Variants in ALDH1L1 observed in about 807,000 individuals in gnomAD.
The protein encoded by ALDH1L1 is cytosolic 10-formyltetrahydrofolate dehydrogenase.
ALDH1L1 carries 68 observed loss-of-function variants against 101.1 expected under a neutral mutation model. The ratio of observed to expected loss-of-function variants is 0.67; its 90% CI spans 0.55 to 0.82. The LOEUF is 0.82. Among genes scored for constraint, ALDH1L1 ranks in the 40% least tolerant of loss-of-function variants. ALDH1L1 has a pLI of 0.00. For synonymous variants in ALDH1L1, 486 were observed against 470.8 expected (o/e 1.03, Z -0.42); for missense variants, 1,087 against 1,172.7 (o/e 0.93, Z 1.07).
At chr3:126,187,470 G>A (rs1482003959) in intron 1 of ALDH1L1, among the ~76,000 whole-genome samples, 1 of 152,096 alleles carries the variant, frequency 6.6e-6, no homozygotes, top group Non-Finnish European at 1.5e-5. Flanking sequence ...CTCCCGAGGT[G>A]GGATGCAGGA....
rs2080791348 is a variant in ALDH1L1, at chr3:126,150,634, A to C, written c.859-103T>G. 3.0e-6 allele frequency: 4 copies of C among 1,352,404 alleles called. No individual in the cohort carries two copies. The East Asian group carries it at 1.2e-4, about 42-fold the overall frequency. The allele number at this position is 1,352,404 out of a possible 1,614,324, so 83.8% of individuals were successfully genotyped here. A position where few individuals can be genotyped will look rare whatever the true frequency, so the allele number is the denominator to read the frequency against. On this transcript the variant is annotated intron_variant, in intron 7 of 22. Transcript: ENST00000393434. ...CAGTGGTGCGATCTCGGCTCACTACAACCTCCGCCTCCCGGGTTGAAGCGA... is the reference window on the plus strand; with the variant it reads ...CAGTGGTGCGATCTCGGCTCACTACCACCTCCGCCTCCCGGGTTGAAGCGA...
chr3:126,124,563 G>A, intron 15 of ALDH1L1, 112 bp from the exon 16 acceptor site: 1 of 842,942 alleles, frequency 1.2e-6, no homozygotes, highest in Non-Finnish European at 1.9e-6. Context: ...TGGGAGAGTA[G>A]CTGCAGATTG....
chr3:126,130,414 T>G, intron 13 of ALDH1L1, 121 bp from the exon 14 acceptor site: 1 of 804,182 alleles, frequency 1.2e-6, no homozygotes, highest in Non-Finnish European at 1.8e-6. Context: ...AGGTGTGACC[T>G]GAGGCTTGAG....
Position 126,160,973 on chromosome 3 carries a change from T to C in ALDH1L1, c.7A>G (p.Ile3Val). The C allele has an allele frequency of 6.2e-7, 1 of 1,614,180 alleles. No individual in the cohort carries two copies. The change falls in exon 2 of 23, where the codon ATT (isoleucine) becomes GTT (valine). Residue 3 changes from isoleucine to valine, a missense_variant. By Grantham distance (29) the Ile-to-Val change is conservative. Transcript: ENST00000393434. MK[I>V]AVIGQSLFGQ... is the part of the protein sequence containing the mutation. ...AACAGGCTCTGTCCAATCACTGCAA[T>C]CTTCATGGTAGCAGGAGGGTTGGAA... is the stretch of plus-strand genomic sequence containing the variant.
At chr3:126,104,734 G>GTA (rs1285592225) in intron 22 of ALDH1L1, 2 of 152,442 alleles carry the variant, frequency 1.3e-5, no homozygotes, top group Non-Finnish European at 2.9e-5. Flanking sequence ...CCTCTCATGG[G>GTA]TACCCTTGGG....
At chr3:126,164,522 G>A (rs1438607028) in intron 1 of ALDH1L1, among the ~76,000 whole-genome samples, 1 of 152,118 alleles carries the variant, frequency 6.6e-6, no homozygotes, top group Non-Finnish European at 1.5e-5. Context: ...ACGGCCTCTA[G>A]TCCACCCATG....
chr3:126,170,424 TA>T (rs59239455), intron 1 of ALDH1L1, among the ~76,000 whole-genome samples: 325 of 121,172 alleles, frequency 2.7e-3, no homozygotes, highest in Middle Eastern at 0.013. Flanking sequence ...TGCCTGTCAT[TA>T]AAAAAAAAAA....
chr3:126,125,607 C>T lies in ALDH1L1; in HGVS notation c.1800+9G>A. 1 of 1,539,492 alleles carries T rather than the reference C, an allele frequency of 6.5e-7. No individual in the cohort carries two copies. The highest frequency in any genetic ancestry group is 1.3e-5 in the South Asian group (1 of 79,786). On this transcript the variant is annotated intron_variant, in intron 15 of 22. Coordinates refer to ENST00000393434, the MANE Select transcript of ALDH1L1 (RefSeq NM_012190.4). Reference sequence around the variant, plus strand: ...CTGCAGGCCCTGTCCAGAGTGAACCCACGCTCACCTGAGCAGGCTTGATCA... The same window carrying T: ...CTGCAGGCCCTGTCCAGAGTGAACCTACGCTCACCTGAGCAGGCTTGATCA...
intron 3 of ALDH1L1, 134 bp from the exon 4 acceptor site, chr3:126,157,642 G>T: frequency 1.0e-6 from 1 of 970,138 alleles, no homozygotes; most frequent in Non-Finnish European, 1.5e-6. Flanking sequence ...CGGCTCCGGC[G>T]GGAAACGGAA....
intron 1 of ALDH1L1, among the ~76,000 whole-genome samples, chr3:126,167,381 A>G (rs1169899642): frequency 1.3e-5 from 2 of 152,200 alleles, no homozygotes; most frequent in Non-Finnish European, 2.9e-5. Flanking sequence ...TATAATTCTC[A>G]TGCTGAAGCT....
chr3:126,131,671 T>C, intron 12 of ALDH1L1, 137 bp from the exon 13 acceptor site: 2 of 966,974 alleles, frequency 2.1e-6, no homozygotes, highest in Non-Finnish European at 3.0e-6. Context: ...CGGACCTCCG[T>C]TTCTGATCCA....
In ALDH1L1 at chr3:126,153,479, C is replaced by T. The variant is rs770141831; in HGVS notation, c.823G>A (p.Ala275Thr). 3 of 1,614,152 alleles carry T rather than the reference C, an allele frequency of 1.9e-6. No individual in the cohort carries two copies. The highest frequency in any genetic ancestry group is 2.5e-6 in the Non-Finnish European group (3 of 1,180,040). Residue 275 changes from alanine (A) to threonine (T), a missense_variant, in exon 7 of 23, where the codon GCA (alanine) becomes ACA (threonine). By Grantham distance (58) the Ala-to-Thr change is moderately conservative (BLOSUM62 0). This residue lies in a region of ALDH1L1 where 645 missense variants were observed against 637.0 expected (regional missense o/e 1.01). Transcript: ENST00000393434. ...TCATTCCCAAAGAGGATGAGTCCTGCTTTGGTGACCACCCCTGGCCGATGG... is the reference window on the plus strand; with the variant it reads ...TCATTCCCAAAGAGGATGAGTCCTGTTTTGGTGACCACCCCTGGCCGATGG... ...GAHRPGVVTK[A>T]GLILFGNDDK...
At chr3:126,175,941 T>C (rs1312476191) in intron 1 of ALDH1L1, among the ~76,000 whole-genome samples, 6 of 152,106 alleles carry the variant, frequency 3.9e-5, no homozygotes, top group African/African-American at 1.4e-4. Flanking sequence ...ATGTGGAAAA[T>C]GCCAACAAAG....
rs778462119 is a variant in ALDH1L1, at chr3:126,112,858, T to A, written c.2105A>T (p.Asn702Ile). Residue 702 changes from asparagine to isoleucine, a missense_variant, in exon 19 of 23, where the codon AAC (asparagine) becomes ATC (isoleucine). Physicochemically the swap from Asn to Ile is moderately radical, Grantham distance 149. Around this residue, in one of 2 missense-constraint regions of ALDH1L1, gnomAD observed 442 missense variants for 535.7 expected, o/e 0.83. Coordinates refer to ENST00000393434, the MANE Select transcript of ALDH1L1 (RefSeq NM_012190.4). ...VQMGMSSVFF[N>I]KGENCIAAGR... The stretch of plus-strand genomic sequence containing the variant: ...TGCTGCAATGCAATTCTCTCCTTTG[T>A]TGAAGAAAACAGAACTCATCCCCTT... 2 of 1,613,540 alleles carry A rather than the reference T, an allele frequency of 1.2e-6. No homozygotes were observed. Among genetic ancestry groups the A allele is most frequent in the Non-Finnish European group, 1.7e-6 (2 of 1,180,024 alleles).
At chr3:126,131,805 C>T in intron 12 of ALDH1L1, among the ~76,000 whole-genome samples, 1 of 152,264 alleles carries the variant, frequency 6.6e-6, no homozygotes, top group East Asian at 1.9e-4. Flanking sequence ...ACTACTTTAT[C>T]CTATTCCTCC....
chr3:126,120,472 A>G (rs2080057644), intron 16 of ALDH1L1, among the ~76,000 whole-genome samples: 2 of 152,226 alleles, frequency 1.3e-5, no homozygotes, highest in Non-Finnish European at 1.5e-5. Flanking sequence ...AGACAGAGGA[A>G]GAGATAAAAG....
intron 17 of ALDH1L1, among the ~76,000 whole-genome samples, chr3:126,116,031 C>T (rs932522953): frequency 1.4e-5 from 2 of 144,320 alleles, no homozygotes; most frequent in Admixed American, 6.7e-5. Flanking sequence ...TACCACCACA[C>T]CTGGCTATTT....
chr3:126,117,317 C>T (rs2079989501), intron 17 of ALDH1L1, among the ~76,000 whole-genome samples: 1 of 151,258 alleles, frequency 6.6e-6, no homozygotes, highest in South Asian at 2.1e-4. Flanking sequence ...TTTAACCCAA[C>T]TAATCAAGAA....
At chr3:126,172,394 CA>C (rs1200931926) in intron 1 of ALDH1L1, among the ~76,000 whole-genome samples, 2 of 151,344 alleles carry the variant, frequency 1.3e-5, no homozygotes, top group Admixed American at 6.6e-5. Context: ...AGAAAAAAAT[CA>C]AAAAAAGTCT....
Sources: allele counts gnomAD v4.1 joint callset (sites outside exome capture counted in the v4.1 genomes callset), GRCh38; gene constraint gnomAD v4.1.1; regional missense constraint gnomAD v4.1.1; transcripts MANE v1.5; gene names NCBI Gene and HGNC (gene_info 2026-07-23, HGNC 2026-07-21).